NIPAL3: variants seen among roughly 807,000 people sequenced by gnomAD.
The protein encoded by NIPAL3 is NIPA-like protein 3.
In NIPAL3, 41 loss-of-function variants were observed where a neutral mutation model predicts 47.2. The ratio of observed to expected loss-of-function variants is 0.87; its 90% CI spans 0.68 to 1.13. The LOEUF (loss-of-function observed/expected upper bound fraction) is 1.13. Ranked by LOEUF, NIPAL3 falls within the 50% of genes most tolerant of loss-of-function variation. NIPAL3 has a pLI of 0.00. For missense variants in NIPAL3, 449 were observed against 530.1 expected (o/e 0.85, Z 1.50); for synonymous variants, 194 against 209.6 (o/e 0.93, Z 0.64).
intron 8 of NIPAL3, among the ~76,000 whole-genome samples, chr1:24,456,595 A>G (rs1299112767): frequency 6.6e-6 from 1 of 152,212 alleles, no homozygotes; most frequent in African/African-American, 2.4e-5. Flanking sequence ...TACTAAAAAT[A>G]CAAAAAAATA....
At position 24,449,378 on chromosome 1, in the gene NIPAL3, A is replaced by G; in HGVS notation, c.395-103A>G. The G allele has an allele frequency of 1.7e-6, 2 of 1,190,602 alleles. No homozygotes were observed. The highest frequency in any genetic ancestry group is 2.3e-6 in the Non-Finnish European group (2 of 860,058). 73.8% of individuals were successfully genotyped at this position (1,190,602 alleles called of 1,614,324 possible). The stretch of plus-strand genomic sequence containing the variant: ...CCAAAAATACAAACAATACCAGGTC[A>G]TGGTATGTTGCAGGAGAAGCCTGTT... On this transcript the variant is annotated intron_variant, in intron 5 of 11. Transcript: ENST00000374399. This position sits in a 1 kb window ranked among gnomAD's most constrained non-coding sequence, Gnocchi z 4.5.
In NIPAL3 at chr1:24,460,108, G is replaced by C. The variant is rs181357613; in HGVS notation, c.863-373G>C. 1.4e-4 allele frequency among the ~76,000 whole-genome samples: 22 copies of C among 152,308 alleles called. No homozygotes were observed. The East Asian group carries it at 4.2e-3, about 29-fold the overall frequency. ...GACTGCAGGCACAAACTGGTAAATA[G>C]GGTCTGTGGTTTGGTTAGTAAGTGT... On this transcript the variant is annotated intron_variant, in intron 9 of 11. Transcript: ENST00000374399.
intron 2 of NIPAL3, chr1:24,422,197 T>A (rs141640307): frequency 2.6e-5 from 4 of 152,386 alleles, no homozygotes; most frequent in Non-Finnish European, 5.9e-5. Context: ...TGTTTCAGCA[T>A]TGGCATCTCG....
chr1:24,466,027 C>T (rs1232234998), intron 11 of NIPAL3: 2 of 1,611,882 alleles, frequency 1.2e-6, no homozygotes, highest in Non-Finnish European at 1.7e-6. Flanking sequence ...CAACAGACAA[C>T]TGCTGTTCAA....
At chr1:24,444,104 G>T (rs2294524) in intron 4 of NIPAL3, among the ~76,000 whole-genome samples, 87,708 of 151,594 alleles carry the variant, frequency 0.58, 25,684 homozygotes, top group East Asian at 0.76. Flanking sequence ...AGCTTCTGAG[G>T]TCATCCAGTG....
intron 4 of NIPAL3, among the ~76,000 whole-genome samples, chr1:24,443,544 G>A (rs1009602805): frequency 6.6e-6 from 1 of 152,198 alleles, no homozygotes. Flanking sequence ...AGAGAGCATA[G>A]ATGGGGCCTC....
In NIPAL3 at chr1:24,472,057, G is replaced by A. The variant is rs1646925116; in HGVS notation, c.*2872G>A. 2 of 144,994 alleles carry A rather than the reference G, an allele frequency of 1.4e-5. No individual in the cohort carries two copies. Among genetic ancestry groups the A allele is most frequent in the Admixed American group, 1.4e-4 (2 of 13,988 alleles). 9.0% of individuals were successfully genotyped at this position (144,994 alleles called of 1,614,324 possible). On this transcript the variant is annotated 3_prime_UTR_variant, in exon 12 of 12. Coordinates refer to ENST00000374399, the MANE Select transcript of NIPAL3 (RefSeq NM_020448.5). ...GGGCCTTTTAGGCTTGGGCCAGCCAGCTTTCTTGAGATGAGTGAATAAAAG... is the reference window on the plus strand; with the variant it reads ...GGGCCTTTTAGGCTTGGGCCAGCCAACTTTCTTGAGATGAGTGAATAAAAG...
chr1:24,438,147 C>G (rs878866541), intron 2 of NIPAL3, among the ~76,000 whole-genome samples: 39 of 152,266 alleles, frequency 2.6e-4, no homozygotes, highest in Admixed American at 7.8e-4. Context: ...CTGGGGAAAC[C>G]CTGGCTGGGC....
chr1:24,463,948 T>C, intron 10 of NIPAL3, 78 bp from the exon 11 acceptor site: 1 of 1,253,696 alleles, frequency 8.0e-7, no homozygotes, highest in Non-Finnish European at 1.1e-6. Flanking sequence ...CCTCTTTCCA[T>C]CACCTGAGCC....
At chr1:24,436,920 A>C (rs1212158740) in intron 2 of NIPAL3, among the ~76,000 whole-genome samples, 5 of 152,088 alleles carry the variant, frequency 3.3e-5, no homozygotes, top group Non-Finnish European at 1.5e-5. Context: ...TTTAAATGGA[A>C]AGTTATAAAA....
intron 5 of NIPAL3, among the ~76,000 whole-genome samples, chr1:24,445,516 G>A (rs976969831): frequency 1.3e-5 from 2 of 152,158 alleles, no homozygotes; most frequent in Admixed American, 6.5e-5. Flanking sequence ...GATTTTAGGA[G>A]GCCTAAGAAA....
chr1:24,446,091 TGTGTG>T (rs1324510795), intron 5 of NIPAL3, among the ~76,000 whole-genome samples: 2 of 128,828 alleles, frequency 1.6e-5, no homozygotes, highest in Non-Finnish European at 3.0e-5. Context: ...TGTGTGTGTG[TGTGTG>T]TGTGTGTGTG....
intron 1 of NIPAL3, 64 bp from the exon 2 acceptor site, chr1:24,419,227 T>C (rs1644200543): frequency 8.1e-6 from 7 of 865,830 alleles, no homozygotes; most frequent in Non-Finnish European, 8.5e-6. Context: ...TCTTCTCAGA[T>C]AACAAAGCTG....
rs1644210334 is a variant in NIPAL3 at position 24,419,442 on chromosome 1, G to A, written c.-106G>A. 7.2e-7 allele frequency: 1 copy of A among 1,382,854 alleles called. No homozygotes were observed. 85.7% of individuals were successfully genotyped at this position (1,382,854 alleles called of 1,614,324 possible). On this transcript the variant is annotated 5_prime_UTR_variant, in exon 2 of 12. Transcript: ENST00000374399. Reference sequence around the variant, plus strand: ...TTGTCATGAGGAAGTGACGGCTGCTGGAGGGAGGTGAACACCACAAGGAGA... The same window carrying A: ...TTGTCATGAGGAAGTGACGGCTGCTAGAGGGAGGTGAACACCACAAGGAGA...
At chr1:24,417,362 C>A (rs1320865257) in intron 1 of NIPAL3, among the ~76,000 whole-genome samples, 1 of 152,168 alleles carries the variant, frequency 6.6e-6, no homozygotes, top group Non-Finnish European at 1.5e-5. Flanking sequence ...CTTCCCGGGG[C>A]CTCTCAGAGG....
intron 4 of NIPAL3, among the ~76,000 whole-genome samples, chr1:24,444,904 C>G (rs1283442834): frequency 1.3e-5 from 2 of 152,194 alleles, no homozygotes; most frequent in Non-Finnish European, 2.9e-5. Context: ...GTACCCACCT[C>G]CAAGGGTGAA....
upstream of NIPAL3, chr1:24,414,126 C>T (rs1012902467): frequency 4.6e-5 from 7 of 152,222 alleles, no homozygotes; most frequent in Admixed American, 2.0e-4. Context: ...TCACTGCAAC[C>T]TCCGCCCTCC....
intron 9 of NIPAL3, among the ~76,000 whole-genome samples, chr1:24,459,925 A>G (rs1211083210): frequency 6.6e-6 from 1 of 152,194 alleles, no homozygotes; most frequent in Non-Finnish European, 1.5e-5. Flanking sequence ...ATTCTGGACA[A>G]AGGCTGGCTC....
rs771185085 is a variant in NIPAL3, at chr1:24,468,986, G to T, written c.1022G>T (p.Gly341Val). The T allele has an allele frequency of 1.9e-6, 3 of 1,613,996 alleles. No homozygotes were observed. Among genetic ancestry groups the T allele is most frequent in the Non-Finnish European group, 1.7e-6 (2 of 1,179,938 alleles). The change falls in exon 12 of 12, where the codon GGT becomes GTT. Residue 341 changes from glycine (G) to valine (V), a missense_variant and splice_region_variant. Physicochemically the swap from Gly to Val is moderately radical, Grantham distance 109. Coordinates refer to ENST00000374399, the MANE Select transcript of NIPAL3 (RefSeq NM_020448.5). Reference protein sequence around the residue: ...EPYISMDAMPGMQNMHDKGMT... With the variant: ...EPYISMDAMPVMQNMHDKGMT... ...TTGGAGAAAATGGATTTCATTTCAG[G>T]TATGCAGAACATGCACGATAAAGGG...
Sources: gnomAD v4.1 joint callset for allele counts (sites outside exome capture counted in the v4.1 genomes callset) on GRCh38, gnomAD v4.1.1 for gene constraint, Gnocchi (gnomAD v3.1) non-coding constraint, MANE v1.5 for transcripts, NCBI Gene and HGNC (gene_info 2026-07-23, HGNC 2026-07-21) for gene names.